Variants in PLXNB1 observed in about 807,000 individuals in gnomAD.
The protein encoded by PLXNB1 is plexin-B1.
PLXNB1 carries 106 observed loss-of-function variants against 209.4 expected under a neutral mutation model. That is an observed-to-expected ratio of 0.51 (90% CI 0.43 to 0.59). The LOEUF is 0.59. Ranked by LOEUF, PLXNB1 falls within the 20% of genes least tolerant of loss-of-function variation. The pLI is 0.00. For missense variants in PLXNB1, 2,357 were observed against 2,853.2 expected (o/e 0.83, Z 3.96); for synonymous variants, 1,167 against 1,183.2 (o/e 0.99, Z 0.28).
In PLXNB1 at chr3:48,404,588, G is replaced by C. The variant is rs759130949; in HGVS notation, c.6306C>G (p.Ile2102Met). Residue 2102 changes from isoleucine (I) to methionine (M), a missense_variant and splice_region_variant, in exon 38 of 38, where the codon ATC (isoleucine) becomes ATG (methionine). By Grantham distance (10) the Ile-to-Met change is conservative. Around this residue, in one of 7 missense-constraint regions of PLXNB1, gnomAD observed 414 missense variants for 520.5 expected, o/e 0.80. Coordinates refer to ENST00000296440, the MANE Select transcript of PLXNB1 (RefSeq NM_001130082.3). ...YKYINKYYDQ[I>M]ITALEEDGTA... is the part of the protein sequence containing the mutation. Reference sequence around the variant, plus strand: ...TGCCATCCTCCTCCAGGGCAGTGATGATCTGAAACAGAGACCAATGCCATC... The same window carrying C: ...TGCCATCCTCCTCCAGGGCAGTGATCATCTGAAACAGAGACCAATGCCATC... 1 of 1,607,032 alleles carries C rather than the reference G, an allele frequency of 6.2e-7. No individual in the cohort carries two copies. The highest frequency in any genetic ancestry group is 8.5e-7 in the Non-Finnish European group (1 of 1,174,794).
rs539446163 is a variant in PLXNB1 at position 48,422,026 on chromosome 3, T to C, written c.1520+79A>G. The stretch of plus-strand genomic sequence containing the variant: ...GGGGTTGAGAGTCATGGTCTAAGGG[T>C]CAGGAATTCTGGACAGGACAATTAT... On this transcript the variant is annotated intron_variant, in intron 6 of 37. Transcript: ENST00000296440. The C allele has an allele frequency of 8.6e-6, 12 of 1,390,420 alleles. No homozygotes were observed. The South Asian group carries it at 1.1e-4, about 12-fold the overall frequency. 86.1% of individuals were successfully genotyped at this position (1,390,420 alleles called of 1,614,324 possible).
Position 48,418,088 on chromosome 3 carries a change from C to T in PLXNB1, c.3223-26G>A. 1.9e-6 allele frequency: 3 copies of T among 1,608,962 alleles called. No individual in the cohort carries two copies. Among genetic ancestry groups the T allele is most frequent in the Non-Finnish European group, 8.5e-7 (1 of 1,176,840 alleles). On this transcript the variant is annotated intron_variant, in intron 15 of 37. Transcript: ENST00000296440. The surrounding 1 kb of genome is among the most constrained non-coding windows in gnomAD (Gnocchi z 6.6). ...CTGTTCCAGGACAAGGACTGCTCAC[C>T]TCTACTCAACTGGAAAGGCAGCCCC...
Position 48,415,751 on chromosome 3 carries a change from T to G in PLXNB1, c.3626A>C (p.Glu1209Ala). ...VGDQPCHLLP[E>A]QQSEQLRCET... Reference sequence around the variant, plus strand: ...ACACCGCAGTTGTTCTGACTGCTGCTCCGGCAGCCTGGGAGGGGAGGTGGG... The same window carrying G: ...ACACCGCAGTTGTTCTGACTGCTGCGCCGGCAGCCTGGGAGGGGAGGTGGG... Residue 1209 changes from glutamate (E) to alanine (A), a missense_variant, in exon 19 of 38, where the codon GAG becomes GCG. Transcript: ENST00000296440. This position sits in a 1 kb window ranked among gnomAD's most constrained non-coding sequence, Gnocchi z 5.0. 6.5e-7 allele frequency: 1 copy of G among 1,541,930 alleles called. No homozygotes were observed. The highest frequency in any genetic ancestry group is 8.8e-7 in the Non-Finnish European group (1 of 1,139,552).
In PLXNB1 at chr3:48,416,233, A is replaced by T; in HGVS notation, c.3481-66T>A. ...CACATGGAGGCAGGGACAGCCTGAG[A>T]GACAGGCTGGCCCAGGACTGGGAGC... is the stretch of plus-strand genomic sequence containing the variant. On this transcript the variant is annotated intron_variant, in intron 17 of 37. Transcript: ENST00000296440. This position sits in a 1 kb window ranked among gnomAD's most constrained non-coding sequence, Gnocchi z 4.1. 6.5e-7 allele frequency: 1 copy of T among 1,534,316 alleles called. No homozygotes were observed. Among genetic ancestry groups the T allele is most frequent in the Non-Finnish European group, 8.9e-7 (1 of 1,121,280 alleles).
rs1371488788 is a variant in PLXNB1 at position 48,429,890 on chromosome 3, C to T, written c.-60+118G>A. ...CCGCCCGTCCAGAGCCGGGTAGCAC[C>T]CGAGTCCCTCACCAGCCCGACCCGT... On this transcript the variant is annotated intron_variant, in intron 1 of 37. Transcript: ENST00000296440. This position sits in a 1 kb window ranked among gnomAD's most constrained non-coding sequence, Gnocchi z 6.4. 2.0e-5 allele frequency: 3 copies of T among 152,196 alleles called. No individual in the cohort carries two copies. Among genetic ancestry groups the T allele is most frequent in the Non-Finnish European group, 4.4e-5 (3 of 68,112 alleles). 9.4% of individuals were successfully genotyped at this position (152,196 alleles called of 1,614,324 possible). A position where few individuals can be genotyped will look rare whatever the true frequency, so the allele number is the denominator to read the frequency against.
Position 48,409,289 on chromosome 3 carries a change from C to T in PLXNB1, c.6087+40G>A, listed in dbSNP as rs1161249658. ...CTGAGTGCACACACAGCACTGTCCA[C>T]CCTCACCCATCCCCCCGTGTCCATC... On this transcript the variant is annotated intron_variant, in intron 34 of 37. Coordinates refer to ENST00000296440, the MANE Select transcript of PLXNB1 (RefSeq NM_001130082.3). This position sits in a 1 kb window ranked among gnomAD's most constrained non-coding sequence, Gnocchi z 5.8. 6 of 1,561,210 alleles carry T rather than the reference C, an allele frequency of 3.8e-6. No individual in the cohort carries two copies. The African/African-American group carries it at 6.9e-5, about 18-fold the overall frequency.
rs745505050 is a variant in PLXNB1, at chr3:48,422,889, C to G, written c.1166G>C (p.Arg389Pro). The G allele has an allele frequency of 6.2e-7, 1 of 1,614,094 alleles. No homozygotes were observed. Reference sequence around the variant, plus strand: ...AATTGGTGTGGCTTCCAGCGGGACCCGGCTGGCCATGGGGCTGGGCGTGTG... The same window carrying G: ...AATTGGTGTGGCTTCCAGCGGGACCGGGCTGGCCATGGGGCTGGGCGTGTG... ...SDHTPSPMAS[R>P]VPLEATPILE... The change falls in exon 4 of 38, where the codon CGG (arginine) becomes CCG (proline). Residue 389 changes from arginine (R) to proline (P), a missense_variant. Arg to Pro is a moderately radical substitution (Grantham distance 103). Around this residue, in one of 7 missense-constraint regions of PLXNB1, gnomAD observed 404 missense variants for 443.6 expected, o/e 0.91. Transcript: ENST00000296440.
In PLXNB1 at chr3:48,415,197, T is replaced by C; in HGVS notation, c.3945A>G (p.Gly1315=). The change falls in exon 20 of 38, where the codon GGA becomes GGG. Residue 1315 remains glycine, a synonymous_variant. Coordinates refer to ENST00000296440, the MANE Select transcript of PLXNB1 (RefSeq NM_001130082.3). The surrounding 1 kb of genome is among the most constrained non-coding windows in gnomAD (Gnocchi z 5.0). The stretch of plus-strand genomic sequence containing the variant: ...CTACTTGCTGGCTACTGCAGGAGGG[T>C]CCAAGGGAACATGCCGTCTCCGGGA... ...RVVPETACSL[G]PSCSSQQFEE... 6.2e-7 allele frequency: 1 copy of C among 1,612,562 alleles called. No homozygotes were observed.
Position 48,424,236 on chromosome 3 carries a change from G to A in PLXNB1, c.376C>T (p.Gln126Ter). 1 of 1,601,776 alleles carries A rather than the reference G, an allele frequency of 6.2e-7. No individual in the cohort carries two copies. Among genetic ancestry groups the A allele is most frequent in the Non-Finnish European group, 8.5e-7 (1 of 1,173,732 alleles). ...QGVCEQRRLG[Q>*]LEQLLLRPER... ...GGCCGCAGCAGCAGCTGCTCGAGCT[G>A]CCCCAGGCGCCGCTGTTCACAGACC... The change falls in exon 3 of 38, where the codon CAG (glutamine) becomes TAG (stop). Residue 126 changes from glutamine to a stop codon, truncating the protein, a stop_gained. Coordinates refer to ENST00000296440, the MANE Select transcript of PLXNB1 (RefSeq NM_001130082.3). LOFTEE classifies it high-confidence loss of function.
rs770330377 is a variant in PLXNB1, at chr3:48,412,243, C to T, written c.5095G>A (p.Val1699Met). Residue 1699 changes from valine to methionine, a missense_variant, in exon 27 of 38, where the codon GTG (valine) becomes ATG (methionine). Physicochemically the swap from Val to Met is conservative, Grantham distance 21. Coordinates refer to ENST00000296440, the MANE Select transcript of PLXNB1 (RefSeq NM_001130082.3). ...NWMSICLYTF[V>M]RDSVGEPLYM... Reference sequence around the variant, plus strand: ...GTCCACCTCTGCCCCCTCACCCTCACGAAGGTATACAGACAGATGGACATC... The same window carrying T: ...GTCCACCTCTGCCCCCTCACCCTCATGAAGGTATACAGACAGATGGACATC... 1.4e-5 allele frequency: 23 copies of T among 1,613,914 alleles called. No homozygotes were observed. The highest frequency in any genetic ancestry group is 8.3e-5 in the Admixed American group (5 of 60,008).
In PLXNB1 at chr3:48,419,308, G is replaced by T. The variant is rs370309890; in HGVS notation, c.2768C>A (p.Thr923Lys). 1.9e-6 allele frequency: 3 copies of T among 1,598,464 alleles called. No individual in the cohort carries two copies. The highest frequency in any genetic ancestry group is 2.6e-6 in the Non-Finnish European group (3 of 1,170,466). The change falls in exon 12 of 38, where the codon ACG becomes AAG. Residue 923 changes from threonine (T) to lysine (K), a missense_variant. Physicochemically the swap from Thr to Lys is moderately conservative, Grantham distance 78. Around this residue, in one of 7 missense-constraint regions of PLXNB1, gnomAD observed 410 missense variants for 401.0 expected, o/e 1.02. Transcript: ENST00000296440. This position sits in a 1 kb window ranked among gnomAD's most constrained non-coding sequence, Gnocchi z 5.7. ...CCGCTCCACATGGACCGGCATCAAC[G>T]TGGAGCCCTGAACGCTCTCCACACA... The part of the protein sequence containing the change: ...CPCVESVQGS[T>K]LMPVHVEREI...
chr3:48,411,740 C>A lies in PLXNB1; in HGVS notation c.5247+123G>T. On this transcript the variant is annotated intron_variant, in intron 28 of 37. Coordinates refer to ENST00000296440, the MANE Select transcript of PLXNB1 (RefSeq NM_001130082.3). The surrounding 1 kb of genome is among the most constrained non-coding windows in gnomAD (Gnocchi z 4.0). ...CTCTCTCCAGGAGCCAGCCAGAGGT[C>A]AACCCAGCTCTACATCCAGGTACCA... The A allele has an allele frequency of 8.5e-7, 1 of 1,173,786 alleles. No homozygotes were observed. Among genetic ancestry groups the A allele is most frequent in the South Asian group, 1.4e-5 (1 of 69,208 alleles). 72.7% of individuals were successfully genotyped at this position (1,173,786 alleles called of 1,614,324 possible).
At chr3:48,423,021 C>G (rs2038637002) in intron 3 of PLXNB1, 74 bp from the exon 4 acceptor site, 1 of 1,350,882 alleles carries the variant, frequency 7.4e-7, no homozygotes, top group Non-Finnish European at 1.0e-6. Flanking sequence ...TGGACAACCT[C>G]ATTCCCTCCC....
rs1434057204 is a variant in PLXNB1 at position 48,416,429 on chromosome 3, TG to T, written c.3396del (p.Ser1133ValfsTer50). 6.2e-7 allele frequency: 1 copy of T among 1,612,758 alleles called. No homozygotes were observed. The highest frequency in any genetic ancestry group is 8.5e-7 in the Non-Finnish European group (1 of 1,179,794). ...GTGGCGCCGGCCACCTCCTCCCCAC[TG>T]GCCCCGGTGATGCACACGAGGCTGT... is the stretch of plus-strand genomic sequence containing the variant. ...VSSSLVCITG[A>X]SGEEVAGATA... On this transcript the variant is annotated frameshift_variant, in exon 17 of 38. Coordinates refer to ENST00000296440, the MANE Select transcript of PLXNB1 (RefSeq NM_001130082.3). LOFTEE classifies it high-confidence loss of function. The surrounding 1 kb of genome is among the most constrained non-coding windows in gnomAD (Gnocchi z 4.1).
intron 37 of PLXNB1, 139 bp from the exon 38 acceptor site, chr3:48,404,729 C>G: frequency 1.7e-6 from 1 of 596,770 alleles, no homozygotes; most frequent in Non-Finnish European, 3.0e-6. Flanking sequence ...CACGTACTTT[C>G]TGGGACCTCA....
In PLXNB1 at chr3:48,416,220, G is replaced by A. The variant is rs2038089916; in HGVS notation, c.3481-53C>T. 1.3e-6 allele frequency: 2 copies of A among 1,579,236 alleles called. No individual in the cohort carries two copies. Among genetic ancestry groups the A allele is most frequent in the Non-Finnish European group, 8.6e-7 (1 of 1,159,494 alleles). The stretch of plus-strand genomic sequence containing the variant: ...GCATCAGACCAGACACATGGAGGCA[G>A]GGACAGCCTGAGAGACAGGCTGGCC... On this transcript the variant is annotated intron_variant, in intron 17 of 37. Transcript: ENST00000296440. The surrounding 1 kb of genome is among the most constrained non-coding windows in gnomAD (Gnocchi z 4.1).
rs746314397 is a variant in PLXNB1 at position 48,412,595 on chromosome 3, C to T, written c.4880G>A (p.Arg1627His). 35 of 1,613,460 alleles carry T rather than the reference C, an allele frequency of 2.2e-5. No homozygotes were observed. The Middle Eastern group carries it at 1.6e-3, about 76-fold the overall frequency. Residue 1627 changes from arginine (R) to histidine (H), a missense_variant, in exon 26 of 38, where the codon CGC (arginine) becomes CAC (histidine). By Grantham distance (29) the Arg-to-His change is conservative. Coordinates refer to ENST00000296440, the MANE Select transcript of PLXNB1 (RefSeq NM_001130082.3). ...TKFIHTLESQ[R>H]TFSARDRAYV... ...GGCACGGTCCCGAGCTGAAAAGGTG[C>T]GCTGGCTCTCCAGCGTGTGGATGAA...
chr3:48,422,681 G>A (rs2038610489), intron 4 of PLXNB1, 84 bp downstream of exon 4: 1 of 1,452,880 alleles, frequency 6.9e-7, no homozygotes, highest in Non-Finnish European at 9.4e-7. Flanking sequence ...AGGGGTCACA[G>A]GGATAGCTTA....
intron 7 of PLXNB1, 92 bp from the exon 8 acceptor site, chr3:48,421,476 C>T (rs2038513864): frequency 1.5e-6 from 2 of 1,378,268 alleles, no homozygotes; most frequent in South Asian, 2.8e-5. Flanking sequence ...CAGGCACCAG[C>T]AATCAACAGC....
Sources: gnomAD v4.1 joint callset for allele counts on GRCh38, gnomAD v4.1.1 for gene constraint, gnomAD v4.1.1 regional missense constraint, Gnocchi (gnomAD v3.1) non-coding constraint, MANE v1.5 for transcripts, NCBI Gene and HGNC (gene_info 2026-07-23, HGNC 2026-07-21) for gene names.